The following PPID variants were observed in gnomAD, a reference collection of about 807,000 sequenced individuals.
The protein encoded by PPID is peptidylprolyl isomerase D, also known as peptidyl-prolyl cis-trans isomerase D.
PPID carries 47 observed loss-of-function variants against 48.1 expected under a neutral mutation model. The ratio of observed to expected loss-of-function variants is 0.98; its 90% CI spans 0.77 to 1.25. PPID has a LOEUF of 1.25. PPID is among the 50% of genes most tolerant of loss of function. PPID has a pLI of 0.00. For synonymous variants in PPID, 163 were observed against 148.8 expected, an observed-to-expected ratio of 1.10 and a Z score of -0.69; for missense variants, 429 against 443.5, an observed-to-expected ratio of 0.97 and a Z score of 0.29.
At chr4:158,715,838 T>A (rs778427277) in intron 4 of PPID, among the ~76,000 whole-genome samples, 154 bp from the exon 5 acceptor site, 18 of 152,234 alleles carry the variant, frequency 1.2e-4, no homozygotes, top group Non-Finnish European at 2.1e-4. Context: ...ACATTCCAAC[T>A]AATACGACAA....
Position 158,721,598 on chromosome 4 carries a change from A to T in PPID, c.86-115T>A, listed in dbSNP as rs1018592774. 3.2e-6 allele frequency: 4 copies of T among 1,263,736 alleles called. No homozygotes were observed. In the African/African-American group the frequency reaches 6.1e-5, roughly 19 times the overall value. The allele number at this position is 1,263,736 out of a possible 1,614,324, so 78.3% of individuals were successfully genotyped here. ...ATCATGAATTACCAAGTTCCCCTTT[A>T]CTGTAATTTTTCTTTTTTGCAATTT... On this transcript the variant is annotated intron_variant, in intron 1 of 9. Transcript: ENST00000307720.
intron 2 of PPID, among the ~76,000 whole-genome samples, chr4:158,719,656 A>G (rs1193216738): frequency 6.6e-6 from 1 of 152,226 alleles, no homozygotes; most frequent in Non-Finnish European, 1.5e-5. Flanking sequence ...CCTTAAGTAC[A>G]CCAACTGTAT....
intron 9 of PPID, chr4:158,710,402 A>C (rs1292536875): frequency 1.7e-6 from 1 of 595,954 alleles, no homozygotes; most frequent in Non-Finnish European, 3.0e-6. Context: ...AGAATAAATA[A>C]CGTGAAAAAC....
chr4:158,722,377 T>C (rs1256732615), intron 1 of PPID, among the ~76,000 whole-genome samples: 1 of 152,250 alleles, frequency 6.6e-6, no homozygotes, highest in Non-Finnish European at 1.5e-5. Flanking sequence ...CTGAGCAAAC[T>C]GCCTCATGCA....
rs1348144982 is a variant in PPID, at chr4:158,713,396, T to C, written c.753-136A>G. 4.0e-6 allele frequency: 4 copies of C among 990,536 alleles called. No individual in the cohort carries two copies. In the African/African-American group the frequency reaches 6.8e-5, roughly 17 times the overall value. The allele number at this position is 990,536 out of a possible 1,614,324, so 61.4% of individuals were successfully genotyped here. On this transcript the variant is annotated intron_variant, in intron 6 of 9. Transcript: ENST00000307720. ...TATTAATAATCTTAATGATCACACT[T>C]TTTAAAATTTTTAAGAAGGCTTAAA...
rs775479225 is a variant in PPID, at chr4:158,715,610, G to A, written c.597C>T (p.Gly199=). ...DGGIFPKDGS[G]DSHPDFPEDA... Reference sequence around the variant, plus strand: ...CCTCAGGGAAATCTGGATGACTGTCGCCAGAGCCATCTTTTGGGAATATTC... The same window carrying A: ...CCTCAGGGAAATCTGGATGACTGTCACCAGAGCCATCTTTTGGGAATATTC... The change falls in exon 5 of 10, where the codon GGC becomes GGT. Residue 199 remains glycine (G), a synonymous_variant. Coordinates refer to ENST00000307720, the MANE Select transcript of PPID (RefSeq NM_005038.3). The A allele has an allele frequency of 1.8e-5, 29 of 1,613,284 alleles. No homozygotes were observed. Among genetic ancestry groups the A allele is most frequent in the Middle Eastern group, 1.6e-4 (1 of 6,080 alleles).
chr4:158,712,954 A>G (rs1774813180), intron 7 of PPID, among the ~76,000 whole-genome samples, 165 bp downstream of exon 7: 1 of 152,256 alleles, frequency 6.6e-6, no homozygotes, highest in Non-Finnish European at 1.5e-5. Flanking sequence ...AGCAAAATGA[A>G]TGTAGAGAAA....
chr4:158,710,670 C>A lies in PPID; in HGVS notation c.982G>T (p.Ala328Ser), dbSNP rs1312346676. Residue 328 changes from alanine to serine, a missense_variant and splice_region_variant, in exon 9 of 10, where the codon GCT (alanine) becomes TCT (serine). Ala to Ser is a moderately conservative substitution (Grantham distance 99, BLOSUM62 1). Coordinates refer to ENST00000307720, the MANE Select transcript of PPID (RefSeq NM_005038.3). ...ATCCCCTGAGCTTTCTTAAGATCAG[C>A]CTTTAATTGGAAAAAAACATTTAAG... is the stretch of plus-strand genomic sequence containing the variant. ...QGLKEYDQAL[A>S]DLKKAQGIAP... 2.5e-6 allele frequency: 4 copies of A among 1,613,652 alleles called. No homozygotes were observed. The highest frequency in any genetic ancestry group is 3.4e-6 in the Non-Finnish European group (4 of 1,179,772).
chr4:158,722,212 G>A (rs1436046426), intron 1 of PPID, among the ~76,000 whole-genome samples: 2 of 152,212 alleles, frequency 1.3e-5, no homozygotes, highest in African/African-American at 4.8e-5. Flanking sequence ...CACCATGTAA[G>A]AGATATCATT....
intron 3 of PPID, among the ~76,000 whole-genome samples, chr4:158,717,471 A>G (rs1302263225): frequency 2.0e-5 from 3 of 152,198 alleles, no homozygotes; most frequent in Non-Finnish European, 4.4e-5. Context: ...AACAGAAACA[A>G]TAGTCGGGGG....
rs1432566041 is a variant in PPID at position 158,717,096 on chromosome 4, A to T, written c.438T>A (p.His146Gln). The T allele has an allele frequency of 6.2e-7, 1 of 1,609,790 alleles. No individual in the cohort carries two copies. Among genetic ancestry groups the T allele is most frequent in the East Asian group, 2.3e-5 (1 of 43,682 alleles). Residue 146 changes from histidine to glutamine, a missense_variant, in exon 4 of 10, where the codon CAT becomes CAA. Coordinates refer to ENST00000307720, the MANE Select transcript of PPID (RefSeq NM_005038.3). The part of the protein sequence containing the change: ...TVPTPHLDGK[H>Q]VVFGQVIKGI... ...CTTTAATTACTTGGCCAAACACCAC[A>T]TGTTTCCCATCCAAATGAGGAGTTG...
intron 3 of PPID, among the ~76,000 whole-genome samples, chr4:158,718,537 T>C (rs1430871134): frequency 1.3e-5 from 2 of 152,242 alleles, no homozygotes; most frequent in Non-Finnish European, 2.9e-5. Flanking sequence ...CTTTCATTTT[T>C]ATAAACCCTT....
intron 7 of PPID, among the ~76,000 whole-genome samples, chr4:158,711,391 A>AT (rs757641661): frequency 0.067 from 9,456 of 141,248 alleles, 743 homozygotes; most frequent in African/African-American, 0.2. Flanking sequence ...CACCAGACTA[A>AT]TTTTTTTTTT....
intron 9 of PPID, chr4:158,710,360 A>C (rs1019235474): frequency 1.8e-6 from 1 of 548,060 alleles, no homozygotes; most frequent in Admixed American, 3.3e-5. Context: ...CAGTATTTAG[A>C]CATATAAAAA....
rs778491261 is a variant in PPID, at chr4:158,715,625, T to C, written c.582A>G (p.Pro194=). ...GATGACTGTCGCCAGAGCCATCTTT[T>C]GGGAATATTCCCCCGTCATCTCCTT... ...LKEGDDGGIF[P]KDGSGDSHPD... is the part of the protein sequence containing the mutation. Residue 194 remains proline, a synonymous_variant, in exon 5 of 10, where the codon CCA becomes CCG. Transcript: ENST00000307720. 3 of 1,612,748 alleles carry C rather than the reference T, an allele frequency of 1.9e-6. No individual in the cohort carries two copies. The highest frequency in any genetic ancestry group is 1.3e-5 in the African/African-American group (1 of 75,018).
At chr4:158,710,531 G>A (rs982524163) in intron 9 of PPID, 97 bp downstream of exon 9, 1 of 1,331,550 alleles carries the variant, frequency 7.5e-7, no homozygotes, top group African/African-American at 1.5e-5. Flanking sequence ...AGTGTCTGTT[G>A]AACAAACATC....
In PPID at chr4:158,709,481, G is replaced by A. The variant is rs189264301; in HGVS notation, c.*255C>T. The A allele has an allele frequency of 2.5e-3, 650 of 263,088 alleles. 2 individuals carry two copies. The highest frequency in any genetic ancestry group is 3.3e-3 in the Non-Finnish European group (464 of 139,614). The allele number at this position is 263,088 out of a possible 1,614,324, so 16.3% of individuals were successfully genotyped here. On this transcript the variant is annotated 3_prime_UTR_variant, in exon 10 of 10. Transcript: ENST00000307720. The stretch of plus-strand genomic sequence containing the variant: ...CGGGAGGCAGAGGATGCAGTGAGCC[G>A]AGATTGCGCCACCGCACTCCAGCCT...
At chr4:158,722,047 C>G (rs1313020053) in intron 1 of PPID, among the ~76,000 whole-genome samples, 2 of 152,202 alleles carry the variant, frequency 1.3e-5, no homozygotes, top group East Asian at 3.8e-4. Flanking sequence ...CTTTGACATA[C>G]AAACTTCATT....
At chr4:158,722,342 T>TA (rs1774976350) in intron 1 of PPID, among the ~76,000 whole-genome samples, 1 of 152,246 alleles carries the variant, frequency 6.6e-6, no homozygotes, top group Non-Finnish European at 1.5e-5. Context: ...TGCCACGTGT[T>TA]ACGTATACCT....
Sources: allele counts gnomAD v4.1 joint callset (sites outside exome capture counted in the v4.1 genomes callset), GRCh38; gene constraint gnomAD v4.1.1; transcripts MANE v1.5; gene names NCBI Gene and HGNC (gene_info 2026-07-23, HGNC 2026-07-21).